Variants in NAV3 observed in about 807,000 individuals in gnomAD.
The protein encoded by NAV3 is neuron navigator 3, also known as pore membrane and/or filament interacting like protein 1.
NAV3 carries 87 observed loss-of-function variants against 244.7 expected under a neutral mutation model. The ratio of observed to expected loss-of-function variants is 0.36; its 90% CI spans 0.30 to 0.42. The LOEUF (loss-of-function observed/expected upper bound fraction) is 0.42. NAV3 is among the 20% of genes least tolerant of loss of function. The probability of loss-of-function intolerance (pLI) is 1.00; values close to 1 mark genes in which losing one functional copy is unlikely to be tolerated. For missense variants in NAV3, 2,663 were observed against 2,893.3 expected, an observed-to-expected ratio of 0.92 and a Z score of 1.83; for synonymous variants, 1,126 against 1,042.2, an observed-to-expected ratio of 1.08 and a Z score of -1.55.
At chr12:77,605,054 G>A (rs1244590013) in intron 2 of NAV3, among the ~76,000 whole-genome samples, 1 of 152,072 alleles carries the variant, frequency 6.6e-6, no homozygotes, top group East Asian at 1.9e-4. Context: ...GGGGACAGGA[G>A]AAAAGGGGCT....
intron 2 of NAV3, among the ~76,000 whole-genome samples, chr12:77,669,014 A>C (rs1873843498): frequency 6.6e-6 from 1 of 152,164 alleles, no homozygotes; most frequent in African/African-American, 2.4e-5. Flanking sequence ...TAAACGAAAC[A>C]ATTATCAGCC....
intron 12 of NAV3, among the ~76,000 whole-genome samples, chr12:78,108,674 T>C (rs919819128): frequency 2.0e-5 from 3 of 152,074 alleles, no homozygotes; most frequent in African/African-American, 7.2e-5. Flanking sequence ...ACTATACAAA[T>C]ACATGCAGAT....
chr12:77,980,750 G>C (rs17044663), intron 5 of NAV3, among the ~76,000 whole-genome samples: 5,553 of 152,246 alleles, frequency 0.036, 342 homozygotes, highest in African/African-American at 0.12. Context: ...AGTACTTTGA[G>C]CTATGTGTAA....
At chr12:77,884,726 T>G (rs1883075068) in intron 1 of NAV3, among the ~76,000 whole-genome samples, 1 of 152,126 alleles carries the variant, frequency 6.6e-6, no homozygotes, top group Admixed American at 6.6e-5. Context: ...CAGAAACATC[T>G]TCTCAGACAT....
At chr12:77,743,378 A>G (rs899548198) in intron 2 of NAV3, among the ~76,000 whole-genome samples, 4 of 151,882 alleles carry the variant, frequency 2.6e-5, no homozygotes, top group Admixed American at 2.0e-4. Context: ...CCTAAACTCC[A>G]TGTTGTTCAA....
intron 2 of NAV3, among the ~76,000 whole-genome samples, chr12:77,752,810 A>T (rs1868928474): frequency 6.6e-6 from 1 of 152,138 alleles, no homozygotes; most frequent in Non-Finnish European, 1.5e-5. Flanking sequence ...TCATCTCTCA[A>T]AATTGAATGC....
At chr12:77,664,055 A>G (rs761592101) in intron 2 of NAV3, among the ~76,000 whole-genome samples, 9 of 152,228 alleles carry the variant, frequency 5.9e-5, no homozygotes, top group Non-Finnish European at 1.2e-4. Context: ...ACCCTTTAGC[A>G]TGGTACAGTT....
At chr12:77,759,561 C>T (rs1240206916) in intron 2 of NAV3, among the ~76,000 whole-genome samples, 2 of 152,170 alleles carry the variant, frequency 1.3e-5, no homozygotes, top group East Asian at 1.9e-4. Flanking sequence ...GATAACTTAT[C>T]AAATAATTGT....
intron 2 of NAV3, chr12:77,783,398 A>G (rs1214778183): frequency 6.6e-6 from 1 of 152,040 alleles, no homozygotes; most frequent in African/African-American, 2.4e-5. Flanking sequence ...TGCTGGAAAT[A>G]TGACCAAGCA....
intron 2 of NAV3, among the ~76,000 whole-genome samples, chr12:77,584,791 A>G (rs1451661296): frequency 6.6e-6 from 1 of 152,204 alleles, no homozygotes; most frequent in East Asian, 1.9e-4. Context: ...CAATCTATAT[A>G]TGGCTTGTAT....
At chr12:78,102,117 C>T (rs1001002575) in intron 12 of NAV3, among the ~76,000 whole-genome samples, 1 of 152,044 alleles carries the variant, frequency 6.6e-6, no homozygotes, top group Non-Finnish European at 1.5e-5. Context: ...TAAGGTTAGT[C>T]CATAGTCTCA....
chr12:77,880,209 C>G (rs967783407), intron 1 of NAV3, among the ~76,000 whole-genome samples: 1 of 152,042 alleles, frequency 6.6e-6, no homozygotes, highest in African/African-American at 2.4e-5. Flanking sequence ...AGTCATGAGT[C>G]GCACAATTCT....
chr12:77,630,303 GTAGAT>G (rs1871831938), intron 2 of NAV3, among the ~76,000 whole-genome samples: 1 of 152,140 alleles, frequency 6.6e-6, no homozygotes, highest in East Asian at 1.9e-4. Flanking sequence ...GACTGTGCCT[GTAGAT>G]TAGCAACTTT....
chr12:78,010,530 A>C (rs1450950527), intron 8 of NAV3, among the ~76,000 whole-genome samples: 1 of 152,128 alleles, frequency 6.6e-6, no homozygotes, highest in East Asian at 1.9e-4. Flanking sequence ...CAGAGATATT[A>C]AGTCAGAATA....
intron 13 of NAV3, among the ~76,000 whole-genome samples, chr12:78,117,270 A>G (rs1460049286): frequency 1.4e-5 from 2 of 143,704 alleles, no homozygotes; most frequent in African/African-American, 5.1e-5. Flanking sequence ...CTATACAAAT[A>G]TATTTATTTA....
intron 5 of NAV3, among the ~76,000 whole-genome samples, chr12:77,978,330 A>G (rs970450228): frequency 2.0e-5 from 3 of 152,140 alleles, no homozygotes; most frequent in Admixed American, 2.0e-4. Flanking sequence ...ATTTGTGATT[A>G]ATTTATTTAA....
intron 12 of NAV3, among the ~76,000 whole-genome samples, chr12:78,069,176 A>C (rs1020070007): frequency 3.3e-5 from 5 of 151,946 alleles, no homozygotes; most frequent in Non-Finnish European, 5.9e-5. Flanking sequence ...TTGCATTTTA[A>C]ATAGTTAAAG....
chr12:78,196,192 G>A (rs1959172085), intron 34 of NAV3, among the ~76,000 whole-genome samples: 2 of 152,038 alleles, frequency 1.3e-5, no homozygotes, highest in Non-Finnish European at 2.9e-5. Context: ...CTCTGACTTA[G>A]GCAAGATTTA....
chr12:78,043,393 C>T (rs1045005592), intron 9 of NAV3, among the ~76,000 whole-genome samples: 3 of 152,186 alleles, frequency 2.0e-5, no homozygotes, highest in African/African-American at 4.8e-5. Flanking sequence ...AATAAACATA[C>T]GTGTGCATGT....
Sources: allele counts gnomAD v4.1 joint callset (sites outside exome capture counted in the v4.1 genomes callset), GRCh38; gene constraint gnomAD v4.1.1; transcripts MANE v1.5; gene names NCBI Gene and HGNC (gene_info 2026-07-23, HGNC 2026-07-21).